Variants in DDR2 observed in about 807,000 individuals in gnomAD.
The protein encoded by DDR2 is discoidin domain receptor tyrosine kinase 2, also known as discoidin domain-containing receptor 2.
In DDR2, 27 loss-of-function variants were observed where a neutral mutation model predicts 94.9. That is an observed-to-expected ratio of 0.28 (90% CI 0.21 to 0.39). DDR2 has a LOEUF of 0.39. DDR2 is among the 10% of genes least tolerant of loss of function. DDR2 has a pLI of 1.00. For missense variants in DDR2, 783 were observed against 1,076.0 expected (o/e 0.73, Z 3.81); for synonymous variants, 382 against 377.2 (o/e 1.01, Z -0.15).
intron 2 of DDR2, among the ~76,000 whole-genome samples, chr1:162,673,071 A>G (rs1658946346): frequency 1.3e-5 from 2 of 152,200 alleles, no homozygotes; most frequent in Non-Finnish European, 2.9e-5. Context: ...CTAATTGCCC[A>G]TTTTAGTTCT....
Position 162,782,422 on chromosome 1 carries a change from G to T in DDR2, c.*2176G>T, listed in dbSNP as rs560244726. ...GTAGTAATAGTAACACATGCCATTT[G>T]TATTGTGCCTTAGGTTTACCAGGTG... On this transcript the variant is annotated 3_prime_UTR_variant, in exon 18 of 18. Coordinates refer to ENST00000367921, the MANE Select transcript of DDR2 (RefSeq NM_006182.4). 2 of 152,276 alleles carry T rather than the reference G, an allele frequency of 1.3e-5. No individual in the cohort carries two copies. The highest frequency in any genetic ancestry group is 4.8e-5 in the African/African-American group (2 of 41,554). 9.4% of individuals were successfully genotyped at this position (152,276 alleles called of 1,614,324 possible). A position where few individuals can be genotyped will look rare whatever the true frequency, so the allele number is the denominator to read the frequency against.
chr1:162,750,147 A>G (rs991183542), intron 3 of DDR2, among the ~76,000 whole-genome samples: 12 of 152,246 alleles, frequency 7.9e-5, no homozygotes, highest in African/African-American at 2.2e-4. Flanking sequence ...GGCCAGGGCA[A>G]TCAGGCAGGA....
At chr1:162,765,354 A>G (rs1281592012) in intron 9 of DDR2, among the ~76,000 whole-genome samples, 1 of 152,184 alleles carries the variant, frequency 6.6e-6, no homozygotes, top group African/African-American at 2.4e-5. Flanking sequence ...CCTGGAAGAA[A>G]TGTCTCTTAG....
At chr1:162,634,336 C>T (rs997213430) in intron 1 of DDR2, among the ~76,000 whole-genome samples, 1 of 152,304 alleles carries the variant, frequency 6.6e-6, no homozygotes, top group Non-Finnish European at 1.5e-5. Flanking sequence ...CCTTTCTGCA[C>T]CTTGACTTCT....
chr1:162,746,931 G>A (rs1662899504), intron 3 of DDR2, among the ~76,000 whole-genome samples: 1 of 152,192 alleles, frequency 6.6e-6, no homozygotes, highest in African/African-American at 2.4e-5. Flanking sequence ...GGTCCTGACT[G>A]TTAGAAGGAA....
chr1:162,764,011 GAGAATATATCCTACTA>G (rs1198925379), intron 9 of DDR2, among the ~76,000 whole-genome samples: 1 of 152,148 alleles, frequency 6.6e-6, no homozygotes, highest in Non-Finnish European at 1.5e-5. Context: ...TCTTTGTCCT[GAGAATATATCCTACTA>G]AGAATGTGCA....
intron 2 of DDR2, among the ~76,000 whole-genome samples, chr1:162,703,524 G>A (rs1660523524): frequency 6.6e-6 from 1 of 152,110 alleles, no homozygotes; most frequent in African/African-American, 2.4e-5. Context: ...ACCTCCAATT[G>A]GCTTAAGTTC....
intron 2 of DDR2, among the ~76,000 whole-genome samples, chr1:162,673,476 C>A (rs1376899656): frequency 1.3e-5 from 2 of 152,040 alleles, no homozygotes; most frequent in East Asian, 3.9e-4. Context: ...CTTTTTATTT[C>A]TCTTGTGTCC....
intron 3 of DDR2, among the ~76,000 whole-genome samples, chr1:162,729,649 C>T (rs1366202697): frequency 6.6e-6 from 1 of 150,636 alleles, no homozygotes; most frequent in Non-Finnish European, 1.5e-5. Flanking sequence ...TATAGGCAAT[C>T]AACAAATGTT....
At chr1:162,706,416 G>A (rs1660664597) in intron 2 of DDR2, among the ~76,000 whole-genome samples, 1 of 152,206 alleles carries the variant, frequency 6.6e-6, no homozygotes, top group Non-Finnish European at 1.5e-5. Flanking sequence ...GAGCCCACAG[G>A]TGGGTAGGCA....
At chr1:162,723,152 C>T (rs957717192) in intron 3 of DDR2, among the ~76,000 whole-genome samples, 6 of 152,180 alleles carry the variant, frequency 3.9e-5, no homozygotes, top group African/African-American at 1.4e-4. Context: ...TCCAGAGCAT[C>T]TTTTGCTCTA....
chr1:162,721,264 T>C (rs1457689063), intron 3 of DDR2, among the ~76,000 whole-genome samples: 6 of 152,314 alleles, frequency 3.9e-5, no homozygotes, highest in Non-Finnish European at 8.8e-5. Context: ...ACTGTGGCCC[T>C]GGAGCAGGAA....
chr1:162,750,854 C>T (rs1328982517), intron 3 of DDR2, among the ~76,000 whole-genome samples: 1 of 152,130 alleles, frequency 6.6e-6, no homozygotes, highest in Non-Finnish European at 1.5e-5. Context: ...CATCTACAAC[C>T]ATCTGATCTT....
At chr1:162,749,862 A>C (rs1231308475) in intron 3 of DDR2, among the ~76,000 whole-genome samples, 2 of 152,252 alleles carry the variant, frequency 1.3e-5, no homozygotes, top group African/African-American at 2.4e-5. Flanking sequence ...CAACATATGC[A>C]AATCAATAAA....
intron 1 of DDR2, among the ~76,000 whole-genome samples, chr1:162,642,825 T>C (rs1156309799): frequency 1.3e-5 from 2 of 152,190 alleles, no homozygotes; most frequent in African/African-American, 4.8e-5. Context: ...TTTTCATTTG[T>C]TAAAGCTTTT....
At chr1:162,671,311 C>T (rs1658828837) in intron 2 of DDR2, among the ~76,000 whole-genome samples, 1 of 152,200 alleles carries the variant, frequency 6.6e-6, no homozygotes. Context: ...TATTTAATGC[C>T]AGGCTAAGCA....
At chr1:162,714,329 C>T (rs1253674190) in intron 2 of DDR2, among the ~76,000 whole-genome samples, 1 of 152,092 alleles carries the variant, frequency 6.6e-6, no homozygotes, top group East Asian at 1.9e-4. Context: ...TTCCATGTCT[C>T]ATTTGTGCAG....
chr1:162,671,089 C>T (rs1363483270), intron 2 of DDR2, among the ~76,000 whole-genome samples: 1 of 152,228 alleles, frequency 6.6e-6, no homozygotes, highest in Non-Finnish European at 1.5e-5. Context: ...CACACATACA[C>T]GCATGGTCTG....
chr1:162,676,114 G>A (rs1571182901), intron 2 of DDR2, among the ~76,000 whole-genome samples: 2 of 152,182 alleles, frequency 1.3e-5, no homozygotes, highest in East Asian at 3.9e-4. Context: ...TGAATGCAGT[G>A]TGTGGTAGTG....
Sources: gnomAD v4.1 joint callset for allele counts (sites outside exome capture counted in the v4.1 genomes callset) on GRCh38, gnomAD v4.1.1 for gene constraint, MANE v1.5 for transcripts, NCBI Gene and HGNC (gene_info 2026-07-23, HGNC 2026-07-21) for gene names.